Variants in POLG observed in about 807,000 individuals in gnomAD.
POLG encodes DNA polymerase gamma, catalytic subunit, also known as DNA polymerase subunit gamma-1.
In POLG, 110 loss-of-function variants were observed where a neutral mutation model predicts 155.4. The observed-to-expected ratio is 0.71, with a 90% CI of 0.61 to 0.83. The LOEUF is 0.83. Among genes scored for constraint, POLG ranks in the 40% least tolerant of loss-of-function variants. POLG has a pLI of 0.00. For synonymous variants in POLG, 701 were observed against 631.5 expected (o/e 1.11, Z -1.65); for missense variants, 1,685 against 1,627.5 (o/e 1.04, Z -0.61).
chr15:89,321,264 T>TG lies in POLG; in HGVS notation c.2599-5dup. 1 of 1,613,976 alleles carries TG rather than the reference T, an allele frequency of 6.2e-7. No individual in the cohort carries two copies. The highest frequency in any genetic ancestry group is 8.5e-7 in the Non-Finnish European group (1 of 1,179,918). On this transcript the variant is annotated splice_polypyrimidine_tract_variant and splice_region_variant and intron_variant, in intron 16 of 22. Transcript: ENST00000268124. ...ACTCACTGCCTACTCGGTCAGGCTGTGGGAAGAGTGAGATACCCAAATGAG... is the reference window on the plus strand; with the variant it reads ...ACTCACTGCCTACTCGGTCAGGCTGTGGGGAAGAGTGAGATACCCAAATGAG...
At chr15:89,329,162 G>A (rs1486615755) in intron 3 of POLG, 52 bp from the exon 4 acceptor site, 1 of 1,516,056 alleles carries the variant, frequency 6.6e-7, no homozygotes, top group Middle Eastern at 2.3e-4. Flanking sequence ...TGCAACTGTG[G>A]GGCCAGCCCA....
rs1240522421 is a variant in POLG at position 89,325,159 on chromosome 15, TGAGTGAGTGAGA to T, written c.1949+279_1949+290del. The stretch of plus-strand genomic sequence containing the variant: ...GTGAGTGAGAGAGTGAGTGAGTGAG[TGAGTGAGTGAGA>T]GAGTGAGAGAGTGAGTGAGTGAGAG... On this transcript the variant is annotated intron_variant, in intron 10 of 22. Transcript: ENST00000268124. Among the ~76,000 whole-genome samples, 68 of 43,390 alleles carry T rather than the reference TGAGTGAGTGAGA, an allele frequency of 1.6e-3. 6 individuals carry two copies. The East Asian group carries it at 0.016, about 10-fold the overall frequency. 28.5% of individuals were successfully genotyped at this position (43,390 alleles called of 152,430 possible).
rs774986637 is a variant in POLG at position 89,321,174 on chromosome 15, C to T, written c.2685G>A (p.Glu895=). ...TLVGADVDSQ[E]LWIAAVLGDA... is the part of the protein sequence containing the mutation. ...CTCCAAGCACAGCTGCAATCCACAG[C>T]TCTTGGGAGTCCACATCAGCACCCA... The change falls in exon 17 of 23, where the codon GAG becomes GAA. Residue 895 remains glutamate (E), a synonymous_variant. Transcript: ENST00000268124. 6.2e-7 allele frequency: 1 copy of T among 1,614,252 alleles called. No individual in the cohort carries two copies. Among genetic ancestry groups the T allele is most frequent in the Non-Finnish European group, 8.5e-7 (1 of 1,180,042 alleles).
intron 9 of POLG, 52 bp from the exon 10 acceptor site, chr15:89,325,738 G>T: frequency 7.3e-7 from 1 of 1,365,726 alleles, no homozygotes; most frequent in Non-Finnish European, 1.0e-6. Flanking sequence ...GCAGTTGTTG[G>T]GGGGAAGGTT....
chr15:89,326,742 TG>T lies in POLG; in HGVS notation c.1586-5del, dbSNP rs2307434. ...TCCTCACTGCAGGGGCCGAGGTCTG[TG>T]AGGGTGGGGGAAGACAATCAGGAGC... On this transcript the variant is annotated splice_polypyrimidine_tract_variant and splice_region_variant and intron_variant, in intron 8 of 22. Coordinates refer to ENST00000268124, the MANE Select transcript of POLG (RefSeq NM_002693.3). 1.6e-3 allele frequency: 2,514 copies of T among 1,614,060 alleles called. 37 individuals are homozygous for T. In the African/African-American group the frequency reaches 0.029, roughly 19 times the overall value.
rs75149168 is a variant in POLG, at chr15:89,325,641, G to A, written c.1758C>T (p.Thr586=). 3 of 1,612,416 alleles carry A rather than the reference G, an allele frequency of 1.9e-6. No individual in the cohort carries two copies. The highest frequency in any genetic ancestry group is 4.5e-5 in the East Asian group (2 of 44,882). ...GCAGGCTGAGGAGGCTGGGGCCCGG[G>A]GTCCATGCAGGGTCGTCTAGCCGGG... ...LCPRLDDPAW[T]PGPSLLSLQM... is the part of the protein sequence containing the mutation. The change falls in exon 10 of 23, where the codon ACC becomes ACT. Residue 586 remains threonine, a synonymous_variant. Transcript: ENST00000268124.
chr15:89,321,318 A>T, intron 16 of POLG, 58 bp from the exon 17 acceptor site: 2 of 1,593,860 alleles, frequency 1.3e-6, no homozygotes, highest in Non-Finnish European at 1.7e-6. Context: ...CTGGAGCCAG[A>T]GTTGACTGAG....
At chr15:89,325,171 A>AGAGTGAGTGAGTGAGTGAGTGAGT (rs1475899324) in intron 10 of POLG, among the ~76,000 whole-genome samples, 1 of 58,606 alleles carries the variant, frequency 1.7e-5, no homozygotes, top group East Asian at 6.0e-4. Context: ...AGTGAGTGAG[A>AGAGTGAGTGAGTGAGTGAGTGAGT]GAGTGAGAGA....
chr15:89,322,642 TAGTC>T (rs1213547135), intron 14 of POLG, 96 bp downstream of exon 14: 12 of 1,324,050 alleles, frequency 9.1e-6, no homozygotes, highest in Non-Finnish European at 9.7e-6. Flanking sequence ...CTCTAGACCA[TAGTC>T]AGGCTGGCCC....
intron 18 of POLG, among the ~76,000 whole-genome samples, 170 bp downstream of exon 18, chr15:89,320,589 AACCAAAT>A (rs1340667764): frequency 2.0e-5 from 3 of 152,252 alleles, no homozygotes; most frequent in Admixed American, 6.5e-5. Context: ...ACTATAAAGC[AACCAAAT>A]GTCACAATAG....
intron 22 of POLG, 43 bp downstream of exon 22, chr15:89,317,333 C>T (rs768360551): frequency 6.2e-7 from 1 of 1,602,152 alleles, no homozygotes; most frequent in East Asian, 2.2e-5. Context: ...TCTAGTCCAC[C>T]TCAGATCCTA....
intron 18 of POLG, among the ~76,000 whole-genome samples, chr15:89,319,971 CAAAGGTGTCCACAACT>C (rs1335193520): frequency 1.3e-5 from 2 of 152,192 alleles, no homozygotes; most frequent in Middle Eastern, 3.2e-3. Flanking sequence ...GTGACACTTT[CAAAGGTGTCCACAACT>C]AAAGCCCCAC....
At position 89,316,834 on chromosome 15, in the gene POLG, GAT is replaced by G. The variant is rs761859226; in HGVS notation, c.3644-9_3644-8del. 5.6e-6 allele frequency: 9 copies of G among 1,610,770 alleles called. No homozygotes were observed. Among genetic ancestry groups the G allele is most frequent in the South Asian group, 5.5e-5 (5 of 91,028 alleles). ...TAAATATCCAGCGCTTCACCTGAAAGATAGTGCAAATTGGTTAGGATGCCACC... is the reference window on the plus strand; with the variant it reads ...TAAATATCCAGCGCTTCACCTGAAAGAGTGCAAATTGGTTAGGATGCCACC... On this transcript the variant is annotated splice_region_variant and splice_polypyrimidine_tract_variant and intron_variant, in intron 22 of 22. Coordinates refer to ENST00000268124, the MANE Select transcript of POLG (RefSeq NM_002693.3).
At position 89,319,248 on chromosome 15, in the gene POLG, G is replaced by C; in HGVS notation, c.3084C>G (p.Val1028=). 1 of 1,614,068 alleles carries C rather than the reference G, an allele frequency of 6.2e-7. No individual in the cohort carries two copies. Among genetic ancestry groups the C allele is most frequent in the South Asian group, 1.1e-5 (1 of 91,082 alleles). The change falls in exon 19 of 23, where the codon GTC becomes GTG. Residue 1028 remains valine (V), a synonymous_variant. Transcript: ENST00000268124. ...CTTACTTCCTTGCAGTTTCTCTCTG[G>C]ACCTTGCGCAGATCCTGCAGGGAAA... is the stretch of plus-strand genomic sequence containing the variant. The part of the protein sequence containing the change: ...GWISLQDLRK[V]QRETARKSQW...
At chr15:89,317,726 G>GAGAT in intron 21 of POLG, 190 bp from the exon 22 acceptor site, 2 of 625,946 alleles carry the variant, frequency 3.2e-6, no homozygotes, top group Admixed American at 2.7e-5. Flanking sequence ...ACCTCCCACT[G>GAGAT]AGATACTGAA....
Position 89,319,383 on chromosome 15 carries a change from G to GAGTGCTTCCTGTGCCACGCT in POLG, c.2982-53_2982-34dup, listed in dbSNP as rs757665784. 28 of 1,611,752 alleles carry GAGTGCTTCCTGTGCCACGCT rather than the reference G, an allele frequency of 1.7e-5. No homozygotes were observed. The Admixed American group carries it at 2.5e-4, about 14-fold the overall frequency. ...CAGTGTTATCACCATCATTCCACGG[G>GAGTGCTTCCTGTGCCACGCT]AGTGCTTCCTGTGCCACGCTAGTGC... On this transcript the variant is annotated intron_variant, in intron 18 of 22. Coordinates refer to ENST00000268124, the MANE Select transcript of POLG (RefSeq NM_002693.3).
intron 6 of POLG, 96 bp from the exon 7 acceptor site, chr15:89,327,445 G>A (rs1181439677): frequency 9.0e-7 from 1 of 1,106,068 alleles, no homozygotes; most frequent in African/African-American, 1.5e-5. Flanking sequence ...CCCAGCCACT[G>A]ACATGGCACA....
chr15:89,331,541 T>C (rs1320036117), intron 2 of POLG, among the ~76,000 whole-genome samples: 1 of 152,222 alleles, frequency 6.6e-6, no homozygotes, highest in Non-Finnish European at 1.5e-5. Context: ...CTAGTTTTAC[T>C]GTGAATCTTA....
chr15:89,317,118 T>C lies in POLG; in HGVS notation c.3643+258A>G, dbSNP rs1860021. On this transcript the variant is annotated intron_variant, in intron 22 of 22. Coordinates refer to ENST00000268124, the MANE Select transcript of POLG (RefSeq NM_002693.3). ...CAAGAATGCACTCTATAGAATAAATTATCTTTAAACATTTCTTCTGTGGTT... is the reference window on the plus strand; with the variant it reads ...CAAGAATGCACTCTATAGAATAAATCATCTTTAAACATTTCTTCTGTGGTT... 0.036 allele frequency: 21,270 copies of C among 594,154 alleles called. 3,043 individuals are homozygous for C. Among genetic ancestry groups the C allele is most frequent in the African/African-American group, 0.33 (17,731 of 53,708 alleles). 36.8% of individuals were successfully genotyped at this position (594,154 alleles called of 1,614,324 possible).
Sources: gnomAD v4.1 joint callset for allele counts (sites outside exome capture counted in the v4.1 genomes callset) on GRCh38, gnomAD v4.1.1 for gene constraint, MANE v1.5 for transcripts, NCBI Gene and HGNC (gene_info 2026-07-23, HGNC 2026-07-21) for gene names.